The following PREX1 variants were observed in gnomAD, a reference collection of about 807,000 sequenced individuals.
PREX1 encodes the protein phosphatidylinositol-3,4,5-trisphosphate dependent Rac exchange factor 1.
Under a neutral mutation model 198.3 loss-of-function variants are expected in PREX1, and 41 were observed. That is an observed-to-expected ratio of 0.21 (90% CI 0.16 to 0.27). The LOEUF is 0.27. PREX1 is among the 10% of genes least tolerant of loss of function. PREX1 has a pLI of 1.00. For missense variants in PREX1, 1,620 were observed against 2,200.7 expected, an observed-to-expected ratio of 0.74 and a Z score of 5.28; for synonymous variants, 843 against 887.2, an observed-to-expected ratio of 0.95 and a Z score of 0.89.
At chr20:48,730,221 C>T (rs937549623) in intron 4 of PREX1, among the ~76,000 whole-genome samples, 7 of 144,390 alleles carry the variant, frequency 4.8e-5, no homozygotes, top group African/African-American at 1.8e-4. Flanking sequence ...TGGACCTGCA[C>T]TTCTACCCAG....
chr20:48,750,108 G>C (rs930764474), intron 1 of PREX1, among the ~76,000 whole-genome samples: 7 of 151,992 alleles, frequency 4.6e-5, no homozygotes, highest in African/African-American at 1.7e-4. Flanking sequence ...AAGGGCTCTA[G>C]CCAAAACCCA....
rs909206015 is a variant in PREX1, at chr20:48,684,180, A to G, written c.1335-2845T>C. ...CCACTAAACATCTATTTAGCCTACA[A>G]TGGGCCACGGCCAGGGTGAGGCACA... is the stretch of plus-strand genomic sequence containing the variant. On this transcript the variant is annotated intron_variant, in intron 10 of 39. Coordinates refer to ENST00000371941, the MANE Select transcript of PREX1 (RefSeq NM_020820.4). This position sits in a 1 kb window ranked among gnomAD's most constrained non-coding sequence, Gnocchi z 4.2. 2.6e-5 allele frequency among the ~76,000 whole-genome samples: 4 copies of G among 152,086 alleles called. No homozygotes were observed. Among genetic ancestry groups the G allele is most frequent in the African/African-American group, 9.7e-5 (4 of 41,416 alleles).
rs754922507 is a variant in PREX1, at chr20:48,655,909, C to T, written c.2124-534G>A. ...TGCTCCTGGAGCATCAGTACCCTGC[C>T]CACATCCCCGTCTAAGGCAGGTCTC... On this transcript the variant is annotated intron_variant, in intron 18 of 39. Coordinates refer to ENST00000371941, the MANE Select transcript of PREX1 (RefSeq NM_020820.4). Among the ~76,000 whole-genome samples, 3 of 152,290 alleles carry T rather than the reference C, an allele frequency of 2.0e-5. No individual in the cohort carries two copies. The South Asian group carries it at 6.2e-4, about 32-fold the overall frequency.
chr20:48,692,662 G>T lies in PREX1; in HGVS notation c.1036+10C>A. ...AGGCAGGGCTCAGGCAAGGCTGGGGGAGGGGCTACCTGTCCCATCTTCCAC... is the reference window on the plus strand; with the variant it reads ...AGGCAGGGCTCAGGCAAGGCTGGGGTAGGGGCTACCTGTCCCATCTTCCAC... On this transcript the variant is annotated intron_variant, in intron 8 of 39. Coordinates refer to ENST00000371941, the MANE Select transcript of PREX1 (RefSeq NM_020820.4). 6.2e-7 allele frequency: 1 copy of T among 1,609,058 alleles called. No homozygotes were observed. The highest frequency in any genetic ancestry group is 8.5e-7 in the Non-Finnish European group (1 of 1,175,442).
At chr20:48,860,075 C>T in the PREX1 span, among the ~76,000 whole-genome samples, 4 of 152,260 alleles carry the variant, frequency 2.6e-5, no homozygotes, top group Middle Eastern at 3.4e-3. Context: ...ATTTGTGCAA[C>T]AGTGTTCATA....
At chr20:48,824,164 C>G (rs372259281) in intron 1 of PREX1, among the ~76,000 whole-genome samples, 1 of 152,120 alleles carries the variant, frequency 6.6e-6, no homozygotes, top group African/African-American at 2.4e-5. Flanking sequence ...CCCCCAAGAC[C>G]GATCCAGCAT....
intron 1 of PREX1, among the ~76,000 whole-genome samples, chr20:48,779,408 C>A (rs1250186055): frequency 6.6e-6 from 1 of 152,182 alleles, no homozygotes; most frequent in Admixed American, 6.5e-5. Context: ...TAAATTAGTA[C>A]AGCATCTTTG....
chr20:48,628,197 G>A (rs547697237), intron 37 of PREX1, among the ~76,000 whole-genome samples: 11 of 152,308 alleles, frequency 7.2e-5, no homozygotes, highest in East Asian at 3.9e-4. Flanking sequence ...GTGCTTCCCC[G>A]TCTGCAGAAG....
chr20:48,740,876 T>C (rs2090078440), intron 3 of PREX1, among the ~76,000 whole-genome samples: 1 of 152,280 alleles, frequency 6.6e-6, no homozygotes, highest in Admixed American at 6.5e-5. Flanking sequence ...CTAGATAGAA[T>C]GCGGTAATAC....
intron 1 of PREX1, among the ~76,000 whole-genome samples, chr20:48,806,939 G>A (rs1051209972): frequency 6.6e-6 from 1 of 152,160 alleles, no homozygotes; most frequent in East Asian, 1.9e-4. Context: ...CTCAGAAGAG[G>A]TATAGGGACA....
the PREX1 span, among the ~76,000 whole-genome samples, chr20:48,834,581 T>A: frequency 2.0e-5 from 3 of 151,600 alleles, no homozygotes; most frequent in Non-Finnish European, 4.4e-5. Flanking sequence ...TTTTTTGAGA[T>A]AGGGTCTCAC....
the PREX1 span, among the ~76,000 whole-genome samples, chr20:48,851,342 A>G: frequency 6.6e-6 from 1 of 152,034 alleles, no homozygotes; most frequent in Admixed American, 6.5e-5. Flanking sequence ...CCCCATCTCT[A>G]CTGAAAAGAC....
At chr20:48,830,615 T>C (rs975826772), upstream of PREX1, among the ~76,000 whole-genome samples, 1 of 152,218 alleles carries the variant, frequency 6.6e-6, no homozygotes, top group Admixed American at 6.5e-5. Context: ...ATGGGTCCCA[T>C]CTCTGGCCCA....
chr20:48,844,975 A>G, the PREX1 span, among the ~76,000 whole-genome samples: 1 of 152,182 alleles, frequency 6.6e-6, no homozygotes. Context: ...GCACTTTAAA[A>G]ATGTGTCCCA....
At chr20:48,633,904 GC>G (rs1850620915) in intron 33 of PREX1, among the ~76,000 whole-genome samples, 1 of 152,226 alleles carries the variant, frequency 6.6e-6, no homozygotes, top group Non-Finnish European at 1.5e-5. Flanking sequence ...ATGTTACATG[GC>G]CCAAAACGCA....
At chr20:48,683,712 G>A (rs180981194) in intron 10 of PREX1, among the ~76,000 whole-genome samples, 1 of 152,286 alleles carries the variant, frequency 6.6e-6, no homozygotes, top group East Asian at 1.9e-4. Flanking sequence ...AGCTTCTCGG[G>A]AGAGTGAGGA....
the PREX1 span, among the ~76,000 whole-genome samples, chr20:48,846,278 G>T: frequency 6.6e-6 from 1 of 152,214 alleles, no homozygotes; most frequent in Non-Finnish European, 1.5e-5. Flanking sequence ...TGGCCCAGGG[G>T]AGAAGTGCAA....
chr20:48,881,893 C>T, the PREX1 span, among the ~76,000 whole-genome samples: 1 of 152,098 alleles, frequency 6.6e-6, no homozygotes, highest in Admixed American at 6.6e-5. Context: ...ACCCCATCCC[C>T]ATCTCTACCC....
intron 1 of PREX1, among the ~76,000 whole-genome samples, chr20:48,799,493 G>A (rs996667686): frequency 3.3e-5 from 5 of 152,166 alleles, no homozygotes; most frequent in Admixed American, 2.0e-4. Context: ...CGAGCAGCGC[G>A]GTCTATCACC....
Sources: gnomAD v4.1 joint callset for allele counts (sites outside exome capture counted in the v4.1 genomes callset) on GRCh38, gnomAD v4.1.1 for gene constraint, Gnocchi (gnomAD v3.1) non-coding constraint, MANE v1.5 for transcripts, NCBI Gene and HGNC (gene_info 2026-07-23, HGNC 2026-07-21) for gene names.